The following BTBD9 variants were observed in gnomAD, a reference collection of about 807,000 sequenced individuals.
BTBD9 encodes BTB/POZ domain-containing protein 9.
A neutral mutation model predicts 64.3 loss-of-function variants in BTBD9; 49 were observed. That is an observed-to-expected ratio of 0.76 (90% CI 0.61 to 0.97). The LOEUF (loss-of-function observed/expected upper bound fraction) is 0.97, where lower values mean the gene tolerates loss of function less well. BTBD9 is among the 50% of genes least tolerant of loss of function. The pLI is 0.00. For missense variants in BTBD9, 598 were observed against 762.1 expected (o/e 0.78, Z 2.53); for synonymous variants, 260 against 274.7 (o/e 0.95, Z 0.53).
chr6:38,218,168 T>C (rs1329941570), intron 9 of BTBD9, among the ~76,000 whole-genome samples: 1 of 152,214 alleles, frequency 6.6e-6, no homozygotes, highest in Non-Finnish European at 1.5e-5. Flanking sequence ...AATTATTCTA[T>C]ATTCAAGTCT....
chr6:38,323,456 A>G (rs908299272), intron 7 of BTBD9, among the ~76,000 whole-genome samples: 6 of 152,220 alleles, frequency 3.9e-5, no homozygotes, highest in Non-Finnish European at 4.4e-5. Flanking sequence ...GGGGAAGGAA[A>G]GAAGAGCCAA....
chr6:38,631,622 C>G (rs1247268967), intron 1 of BTBD9, among the ~76,000 whole-genome samples: 1 of 152,164 alleles, frequency 6.6e-6, no homozygotes, highest in Non-Finnish European at 1.5e-5. Flanking sequence ...CTACCAACAG[C>G]CAGCAAGGAA....
intron 6 of BTBD9, among the ~76,000 whole-genome samples, chr6:38,575,141 T>C: frequency 6.6e-6 from 1 of 152,152 alleles, no homozygotes; most frequent in Non-Finnish European, 1.5e-5. Flanking sequence ...TTACAGAGAA[T>C]TTTCCAGCAC....
intron 6 of BTBD9, among the ~76,000 whole-genome samples, chr6:38,545,781 A>C (rs78793370): frequency 0.033 from 4,746 of 144,730 alleles, 108 homozygotes; most frequent in East Asian, 0.13. Context: ...TCCGTCTCAA[A>C]AAAAAAAAAA....
chr6:38,477,920 T>A (rs565316088), intron 6 of BTBD9, among the ~76,000 whole-genome samples: 24 of 152,330 alleles, frequency 1.6e-4, no homozygotes, highest in African/African-American at 5.8e-4. Flanking sequence ...CACAAGGTCT[T>A]TAGAGTCAGG....
At position 38,527,979 on chromosome 6, in the gene BTBD9, T is replaced by C. The variant is rs145446827; in HGVS notation, c.1154+49621A>G. On this transcript the variant is annotated intron_variant, in intron 6 of 10. Transcript: ENST00000481247. The stretch of plus-strand genomic sequence containing the variant: ...GAATGAAGAGTCAGGTAAGTGATCA[T>C]AATAATATTATATTAAGGAAAGAGG... 7.7e-4 allele frequency among the ~76,000 whole-genome samples: 117 copies of C among 152,192 alleles called. 1 individual carries two copies. Among genetic ancestry groups the C allele is most frequent in the African/African-American group, 2.7e-3 (113 of 41,502 alleles).
intron 6 of BTBD9, among the ~76,000 whole-genome samples, chr6:38,475,681 A>G (rs538421541): frequency 1.8e-4 from 27 of 152,214 alleles, no homozygotes; most frequent in Non-Finnish European, 3.4e-4. Flanking sequence ...TTCCAATATA[A>G]GGGCCACAAT....
At chr6:38,220,253 C>G (rs1041967200) in intron 9 of BTBD9, among the ~76,000 whole-genome samples, 3 of 152,208 alleles carry the variant, frequency 2.0e-5, no homozygotes, top group Non-Finnish European at 4.4e-5. Flanking sequence ...TTCACTAGTC[C>G]CACTGCAAAG....
At chr6:38,258,608 T>C (rs1265426119) in intron 8 of BTBD9, among the ~76,000 whole-genome samples, 9 of 152,008 alleles carry the variant, frequency 5.9e-5, no homozygotes, top group Non-Finnish European at 1.0e-4. Flanking sequence ...ACAGCAATAA[T>C]GGCCGGGCGC....
chr6:38,171,857 AAAAAAAAAAAAAAAAAAAAAAAAAATAAT>A lies in BTBD9; in HGVS notation c.*3099_*3127del, dbSNP rs1766786785. ...TGCCTTTCTACTCTCAAAAAAAAAA[AAAAAAAAAAAAAAAAAAAAAAAAAATAAT>A]AATAATAATAATAATAATAATAATG... is the stretch of plus-strand genomic sequence containing the variant. On this transcript the variant is annotated 3_prime_UTR_variant, in exon 11 of 11. Coordinates refer to ENST00000481247, the MANE Select transcript of BTBD9 (RefSeq NM_001099272.2). 3 of 42,556 alleles carry A rather than the reference AAAAAAAAAAAAAAAAAAAAAAAAAATAAT, an allele frequency of 7.0e-5. No individual in the cohort carries two copies. Among genetic ancestry groups the A allele is most frequent in the Admixed American group, 6.5e-4 (3 of 4,620 alleles). The allele number at this position is 42,556 out of a possible 1,614,324, so 2.6% of individuals were successfully genotyped here.
intron 6 of BTBD9, among the ~76,000 whole-genome samples, chr6:38,563,128 C>A (rs1482189877): frequency 6.6e-6 from 1 of 152,212 alleles, no homozygotes; most frequent in Non-Finnish European, 1.5e-5. Context: ...TCTACCTGAG[C>A]AAATTTTGGA....
chr6:38,370,667 G>A (rs1363627907), intron 6 of BTBD9, among the ~76,000 whole-genome samples: 1 of 152,134 alleles, frequency 6.6e-6, no homozygotes, highest in African/African-American at 2.4e-5. Context: ...AAGTGTCATA[G>A]GACCAGTTAT....
rs118156096 is a variant in BTBD9 at position 38,229,592 on chromosome 6, C to A, written c.1562+26817G>T. On this transcript the variant is annotated intron_variant, in intron 9 of 10. Coordinates refer to ENST00000481247, the MANE Select transcript of BTBD9 (RefSeq NM_001099272.2). Reference sequence around the variant, plus strand: ...GTCATATGGATATATGAACACCTGGCAGACAGTGTAGACTAAGACTGCTCA... The same window carrying A: ...GTCATATGGATATATGAACACCTGGAAGACAGTGTAGACTAAGACTGCTCA... 4.2e-3 allele frequency among the ~76,000 whole-genome samples: 640 copies of A among 152,310 alleles called. 12 individuals are homozygous for A. Among genetic ancestry groups the A allele is most frequent in the Admixed American group, 0.033 (511 of 15,292 alleles).
intron 6 of BTBD9, among the ~76,000 whole-genome samples, chr6:38,387,564 T>C (rs1469313915): frequency 1.3e-5 from 2 of 151,368 alleles, no homozygotes; most frequent in African/African-American, 4.9e-5. Flanking sequence ...ACAATAACAA[T>C]AATAATAATA....
At chr6:38,580,192 G>A (rs770243099) in intron 5 of BTBD9, 26 bp downstream of exon 5, 1 of 1,601,332 alleles carries the variant, frequency 6.2e-7, no homozygotes, top group Non-Finnish European at 8.6e-7. Context: ...CATAATGTCA[G>A]TTTCTAAGTC....
chr6:38,234,752 A>C (rs1289810294), intron 9 of BTBD9, among the ~76,000 whole-genome samples: 2 of 152,364 alleles, frequency 1.3e-5, no homozygotes, highest in East Asian at 3.9e-4. Context: ...TCGGCGGCAG[A>C]ACCATGGCTA....
intron 7 of BTBD9, among the ~76,000 whole-genome samples, chr6:38,323,479 G>A (rs1763310899): frequency 6.6e-6 from 1 of 152,138 alleles, no homozygotes; most frequent in Non-Finnish European, 1.5e-5. Context: ...AAGCCAGCTG[G>A]GTAGGGGTGA....
At chr6:38,223,146 A>G (rs1200041469) in intron 9 of BTBD9, among the ~76,000 whole-genome samples, 2 of 152,110 alleles carry the variant, frequency 1.3e-5, no homozygotes, top group Non-Finnish European at 2.9e-5. Context: ...ACCTCAGGTG[A>G]TCCACCTGCC....
chr6:38,336,395 T>C (rs1017035330), intron 7 of BTBD9, among the ~76,000 whole-genome samples: 7 of 152,158 alleles, frequency 4.6e-5, no homozygotes, highest in Admixed American at 1.3e-4. Context: ...TAGTTCTGCA[T>C]GGCTGGGAAG....
Sources: allele counts gnomAD v4.1 joint callset (sites outside exome capture counted in the v4.1 genomes callset), GRCh38; gene constraint gnomAD v4.1.1; transcripts MANE v1.5; gene names NCBI Gene and HGNC (gene_info 2026-07-23, HGNC 2026-07-21).